LRRC49: variants seen among roughly 807,000 people sequenced by gnomAD.
LRRC49 encodes the protein leucine-rich repeat-containing protein 49.
LRRC49 carries 50 observed loss-of-function variants against 83.3 expected under a neutral mutation model. The ratio of observed to expected loss-of-function variants is 0.60; its 90% CI spans 0.48 to 0.76. The LOEUF is 0.76. LRRC49 is among the 30% of genes least tolerant of loss of function. The pLI, the probability that LRRC49 is intolerant of heterozygous loss-of-function variation, is 0.00. For synonymous variants in LRRC49, 286 were observed against 283.3 expected (o/e 1.01, Z -0.10); for missense variants, 704 against 809.1 (o/e 0.87, Z 1.58).
chr15:70,919,158 G>A lies in LRRC49; in HGVS notation c.676G>A (p.Glu226Lys), dbSNP rs770697430. The A allele has an allele frequency of 6.2e-7, 1 of 1,612,804 alleles. No homozygotes were observed. ...TCTTAATGGGCTGGATTCACTAACT[G>A]AACTTAACTTGCGACACAATCAAAT... ...DNLNGLDSLT[E>K]LNLRHNQITF... is the part of the protein sequence containing the mutation. Residue 226 changes from glutamate to lysine, a missense_variant, in exon 7 of 16, where the codon GAA becomes AAA. Glu to Lys is a moderately conservative substitution (Grantham distance 56, BLOSUM62 1). Coordinates refer to ENST00000260382, the MANE Select transcript of LRRC49 (RefSeq NM_017691.5).
At chr15:70,907,175 T>C (rs2034349790) in intron 5 of LRRC49, among the ~76,000 whole-genome samples, 1 of 152,228 alleles carries the variant, frequency 6.6e-6, no homozygotes, top group South Asian at 2.1e-4. Context: ...TCTGCTACCC[T>C]GTCTCTTCAT....
At chr15:71,006,761 A>G (rs2038473086) in intron 11 of LRRC49, among the ~76,000 whole-genome samples, 1 of 152,082 alleles carries the variant, frequency 6.6e-6, no homozygotes. Flanking sequence ...ATTGCAGTAC[A>G]ATGTGGCAAG....
At chr15:71,031,381 G>A (rs755774443) in intron 14 of LRRC49, among the ~76,000 whole-genome samples, 6 of 152,234 alleles carry the variant, frequency 3.9e-5, no homozygotes, top group Non-Finnish European at 8.8e-5. Context: ...TCGTCCCAGA[G>A]GGGCATTGGC....
intron 7 of LRRC49, among the ~76,000 whole-genome samples, chr15:70,928,985 A>G (rs2035312676): frequency 6.6e-6 from 1 of 152,036 alleles, no homozygotes; most frequent in South Asian, 2.1e-4. Flanking sequence ...TTTTCATTCT[A>G]TTCTTTGTTT....
At chr15:71,009,538 T>G (rs1266635309) in intron 12 of LRRC49, 1 of 277,880 alleles carries the variant, frequency 3.6e-6, no homozygotes, top group East Asian at 6.3e-5. Context: ...TTATGTATCT[T>G]TAAAGAATGT....
intron 15 of LRRC49, among the ~76,000 whole-genome samples, chr15:71,045,992 G>T (rs4777328): frequency 6.6e-6 from 1 of 152,152 alleles, no homozygotes; most frequent in Admixed American, 6.5e-5. Flanking sequence ...ATGGCCTCCA[G>T]TTCCATCTAT....
At chr15:70,860,933 G>A (rs191848510) in intron 1 of LRRC49, among the ~76,000 whole-genome samples, 6 of 152,300 alleles carry the variant, frequency 3.9e-5, no homozygotes, top group Admixed American at 2.6e-4. Flanking sequence ...CTTCTGGGTT[G>A]TGTGTCTCTG....
rs562806592 is a variant in LRRC49 at position 70,969,670 on chromosome 15, T to G, written c.921+5738T>G. Among the ~76,000 whole-genome samples the G allele has an allele frequency of 3.0e-3, 456 of 152,190 alleles. 2 individuals are homozygous for G. Among genetic ancestry groups the G allele is most frequent in the Non-Finnish European group, 4.9e-3 (331 of 67,944 alleles). On this transcript the variant is annotated intron_variant, in intron 9 of 15. Coordinates refer to ENST00000260382, the MANE Select transcript of LRRC49 (RefSeq NM_017691.5). Reference sequence around the variant, plus strand: ...CTCTTATTTCCTTGAGCAGTGGTTTTTAGTTCTCCTTGAAGAGGTCCTTCA... The same window carrying G: ...CTCTTATTTCCTTGAGCAGTGGTTTGTAGTTCTCCTTGAAGAGGTCCTTCA...
intron 15 of LRRC49, among the ~76,000 whole-genome samples, chr15:71,044,189 A>G (rs1290247580): frequency 1.3e-5 from 2 of 152,188 alleles, no homozygotes; most frequent in Non-Finnish European, 1.5e-5. Flanking sequence ...TGTTCAGACT[A>G]TAGTATTTCA....
chr15:70,936,858 C>T, intron 8 of LRRC49, 36 bp downstream of exon 8: 1 of 1,381,740 alleles, frequency 7.2e-7, no homozygotes, highest in South Asian at 1.2e-5. Flanking sequence ...TTCATTATAA[C>T]TTGATTGTGT....
At chr15:70,866,388 G>A (rs2032913114) in intron 1 of LRRC49, among the ~76,000 whole-genome samples, 1 of 151,964 alleles carries the variant, frequency 6.6e-6, no homozygotes, top group Admixed American at 6.6e-5. Context: ...CTCGTGATCC[G>A]CCCGCTTCAG....
chr15:70,892,464 C>T, upstream of LRRC49: 1 of 1,532,490 alleles, frequency 6.5e-7, no homozygotes, highest in South Asian at 1.2e-5. Flanking sequence ...TCTTTGATAT[C>T]TTCCTCCTCC....
intron 1 of LRRC49, among the ~76,000 whole-genome samples, chr15:70,871,798 G>A (rs2033048741): frequency 6.6e-6 from 1 of 150,980 alleles, no homozygotes; most frequent in African/African-American, 2.4e-5. Flanking sequence ...ATCCCAGACG[G>A]GGCGGGGGGG....
At chr15:70,859,698 C>T in intron 1 of LRRC49, 1 of 675,792 alleles carries the variant, frequency 1.5e-6, no homozygotes, top group South Asian at 1.4e-5. Flanking sequence ...GGCCAGATGG[C>T]TTCCCTGGAG....
chr15:70,874,597 A>G (rs1172968952), intron 2 of LRRC49, among the ~76,000 whole-genome samples: 1 of 152,184 alleles, frequency 6.6e-6, no homozygotes, highest in Admixed American at 6.5e-5. Context: ...TCTGCCACTA[A>G]TCAGTTATGT....
chr15:70,900,236 A>G (rs939575079), intron 3 of LRRC49: 1 of 276,252 alleles, frequency 3.6e-6, no homozygotes, highest in Non-Finnish European at 7.2e-6. Context: ...CAAGGACACC[A>G]TCTAACAAAC....
At chr15:70,997,369 G>A (rs1484958393) in intron 11 of LRRC49, among the ~76,000 whole-genome samples, 1 of 152,020 alleles carries the variant, frequency 6.6e-6, no homozygotes, top group African/African-American at 2.4e-5. Context: ...TTTGGTTACT[G>A]TTTGCATGGA....
intron 8 of LRRC49, among the ~76,000 whole-genome samples, chr15:70,943,621 T>G (rs1489715944): frequency 1.3e-5 from 2 of 152,224 alleles, no homozygotes; most frequent in Non-Finnish European, 1.5e-5. Flanking sequence ...GTTGCACACA[T>G]GCTCACTTGA....
intron 5 of LRRC49, among the ~76,000 whole-genome samples, chr15:70,908,347 T>G (rs1468505045): frequency 6.6e-6 from 1 of 152,188 alleles, no homozygotes; most frequent in Non-Finnish European, 1.5e-5. Context: ...TTCTCAAATC[T>G]GCCTCCCTAA....
Sources: allele counts gnomAD v4.1 joint callset (sites outside exome capture counted in the v4.1 genomes callset), GRCh38; gene constraint gnomAD v4.1.1; transcripts MANE v1.5; gene names NCBI Gene and HGNC (gene_info 2026-07-23, HGNC 2026-07-21).